Variants in AGAP1 observed in about 807,000 individuals in gnomAD.
AGAP1 encodes arf-GAP with GTPase, ANK repeat and PH domain-containing protein 1.
Under a neutral mutation model 105.3 loss-of-function variants are expected in AGAP1, and 29 were observed. That is an observed-to-expected ratio of 0.28 (90% confidence interval 0.21 to 0.38). The LOEUF is 0.38. Ranked by LOEUF, AGAP1 falls within the 10% of genes least tolerant of loss-of-function variation. The pLI is 1.00. For synonymous variants in AGAP1, 509 were observed against 485.9 expected (o/e 1.05, Z -0.63); for missense variants, 998 against 1,165.1 (o/e 0.86, Z 2.09).
At position 235,688,108 on chromosome 2, in the gene AGAP1, G is replaced by A. The variant is rs899629566; in HGVS notation, c.164-21071G>A. ...GTAGAGACGGGGTTTCACCATGCTGGCCAGGCTGGTCTCAAAGTCCCAACC... is the reference window on the plus strand; with the variant it reads ...GTAGAGACGGGGTTTCACCATGCTGACCAGGCTGGTCTCAAAGTCCCAACC... On this transcript the variant is annotated intron_variant, in intron 1 of 17. Transcript: ENST00000304032. Among the ~76,000 whole-genome samples, 9 of 151,994 alleles carry A rather than the reference G, an allele frequency of 5.9e-5. No individual in the cohort carries two copies. The East Asian group carries it at 1.7e-3, about 29-fold the overall frequency.
intron 1 of AGAP1, among the ~76,000 whole-genome samples, chr2:235,587,072 A>C (rs1454046893): frequency 3.9e-5 from 6 of 152,218 alleles, no homozygotes; most frequent in African/African-American, 7.2e-5. Flanking sequence ...TGGATGAGTC[A>C]GTGGTTTGAA....
At chr2:235,896,891 ATG>A (rs1247276927) in intron 10 of AGAP1, among the ~76,000 whole-genome samples, 1 of 152,196 alleles carries the variant, frequency 6.6e-6, no homozygotes, top group Non-Finnish European at 1.5e-5. Context: ...ATTTCTGTCT[ATG>A]TAATTCTTTC....
chr2:235,680,718 G>C (rs1949018934), intron 1 of AGAP1, among the ~76,000 whole-genome samples: 1 of 152,124 alleles, frequency 6.6e-6, no homozygotes, highest in Non-Finnish European at 1.5e-5. Context: ...TCCTGCCTGA[G>C]CTTCTCCTTG....
At chr2:235,807,765 A>G (rs142238569) in intron 9 of AGAP1, among the ~76,000 whole-genome samples, 180 of 152,342 alleles carry the variant, frequency 1.2e-3, no homozygotes, top group African/African-American at 4.2e-3. Context: ...GTTTGTAACA[A>G]CGAGGCAATT....
rs939300702 is a variant in AGAP1, at chr2:235,967,655, G to A, written c.1484-807G>A. On this transcript the variant is annotated intron_variant, in intron 12 of 17. Coordinates refer to ENST00000304032, the MANE Select transcript of AGAP1 (RefSeq NM_001037131.3). This position sits in a 1 kb window ranked among gnomAD's most constrained non-coding sequence, Gnocchi z 4.7. Reference sequence around the variant, plus strand: ...TGAAATAAAAACTTTTCAAGACGCCGTAGGCATGCACCACCTGTTTTTCCT... The same window carrying A: ...TGAAATAAAAACTTTTCAAGACGCCATAGGCATGCACCACCTGTTTTTCCT... Among the ~76,000 whole-genome samples the A allele has an allele frequency of 2.0e-5, 3 of 152,202 alleles. No individual in the cohort carries two copies. The highest frequency in any genetic ancestry group is 6.5e-5 in the Admixed American group (1 of 15,282).
rs564091774 is a variant in AGAP1 at position 235,845,972 on chromosome 2, C to G, written c.1051-37373C>G. ...CTGCAGCCACAGGGTTGAAATCTTT[C>G]CCAGGCCCTCCAGACCTCCTGGATG... On this transcript the variant is annotated intron_variant, in intron 9 of 17. Coordinates refer to ENST00000304032, the MANE Select transcript of AGAP1 (RefSeq NM_001037131.3). This position sits in a 1 kb window ranked among gnomAD's most constrained non-coding sequence, Gnocchi z 4.8. 6.6e-5 allele frequency among the ~76,000 whole-genome samples: 10 copies of G among 152,164 alleles called. No individual in the cohort carries two copies. The highest frequency in any genetic ancestry group is 2.2e-4 in the African/African-American group (9 of 41,496).
At position 235,599,361 on chromosome 2, in the gene AGAP1, T is replaced by C. The variant is rs1945651762; in HGVS notation, c.163+104512T>C. Among the ~76,000 whole-genome samples, 1 of 151,946 alleles carries C rather than the reference T, an allele frequency of 6.6e-6. No homozygotes were observed. The highest frequency in any genetic ancestry group is 2.1e-4 in the South Asian group (1 of 4,808). On this transcript the variant is annotated intron_variant, in intron 1 of 17. Transcript: ENST00000304032. This position sits in a 1 kb window ranked among gnomAD's most constrained non-coding sequence, Gnocchi z 5.3. ...AGGAGGAGTCTGGTGATGGAGAAGG[T>C]GTGGCGGGCAGCAAGGAGGCTGGGG...
chr2:235,931,386 A>C lies in AGAP1; in HGVS notation c.1483+463A>C, dbSNP rs1008899324. ...TTCCAGAATTCCTGGTGTACCCTCTAAATTCTGGAGTCCCCTTTGTAATCC... is the reference window on the plus strand; with the variant it reads ...TTCCAGAATTCCTGGTGTACCCTCTCAATTCTGGAGTCCCCTTTGTAATCC... On this transcript the variant is annotated intron_variant, in intron 12 of 17. Transcript: ENST00000304032. This position sits in a 1 kb window ranked among gnomAD's most constrained non-coding sequence, Gnocchi z 5.6. Among the ~76,000 whole-genome samples the C allele has an allele frequency of 6.6e-6, 1 of 152,268 alleles. No homozygotes were observed. Among genetic ancestry groups the C allele is most frequent in the Non-Finnish European group, 1.5e-5 (1 of 68,026 alleles).
intron 13 of AGAP1, among the ~76,000 whole-genome samples, chr2:236,025,272 G>A (rs1465578960): frequency 2.0e-5 from 3 of 152,198 alleles, no homozygotes; most frequent in Non-Finnish European, 4.4e-5. Flanking sequence ...CACGTTTGAA[G>A]TGAGGGTGGC....
At position 236,045,077 on chromosome 2, in the gene AGAP1, C is replaced by T. The variant is rs1356700743; in HGVS notation, c.1892-3982C>T. Reference sequence around the variant, plus strand: ...CTACATGTGCGTGCCACCACGCCGACCTGATTTTTTAAATTTTTTGTAGAG... The same window carrying T: ...CTACATGTGCGTGCCACCACGCCGATCTGATTTTTTAAATTTTTTGTAGAG... On this transcript the variant is annotated intron_variant, in intron 15 of 17. Coordinates refer to ENST00000304032, the MANE Select transcript of AGAP1 (RefSeq NM_001037131.3). The surrounding 1 kb of genome is among the most constrained non-coding windows in gnomAD (Gnocchi z 6.9). Among the ~76,000 whole-genome samples, 1 of 152,138 alleles carries T rather than the reference C, an allele frequency of 6.6e-6. No individual in the cohort carries two copies. Among genetic ancestry groups the T allele is most frequent in the Non-Finnish European group, 1.5e-5 (1 of 68,030 alleles).
chr2:236,088,582 T>A lies in AGAP1; in HGVS notation c.2115-31610T>A, dbSNP rs146273244. Among the ~76,000 whole-genome samples, 24 of 152,358 alleles carry A rather than the reference T, an allele frequency of 1.6e-4. No individual in the cohort carries two copies. In the East Asian group the frequency reaches 2.7e-3, roughly 17 times the overall value. Reference sequence around the variant, plus strand: ...AGTGACTCACAGGCTCCAGGCAGATTCATAGATGCTTTCATGTTTACTGAT... The same window carrying A: ...AGTGACTCACAGGCTCCAGGCAGATACATAGATGCTTTCATGTTTACTGAT... On this transcript the variant is annotated intron_variant, in intron 16 of 17. Transcript: ENST00000304032.
chr2:236,039,881 T>C (rs922995052), intron 14 of AGAP1, among the ~76,000 whole-genome samples: 7 of 152,196 alleles, frequency 4.6e-5, no homozygotes, highest in Non-Finnish European at 7.3e-5. Context: ...ATTAATTTTA[T>C]GTTCTTTTTC....
chr2:235,539,756 G>T (rs1943372487), intron 1 of AGAP1, among the ~76,000 whole-genome samples: 1 of 152,164 alleles, frequency 6.6e-6, no homozygotes, highest in Non-Finnish European at 1.5e-5. Flanking sequence ...AGGGGTTGCT[G>T]TGGGTCCTGG....
intron 16 of AGAP1, among the ~76,000 whole-genome samples, chr2:236,060,213 G>T (rs2058154030): frequency 6.6e-6 from 1 of 152,122 alleles, no homozygotes; most frequent in South Asian, 2.1e-4. Context: ...ATTAGGCAGT[G>T]GTTTCTTAGA....
At position 235,875,354 on chromosome 2, in the gene AGAP1, A is replaced by G. The variant is rs2049665951; in HGVS notation, c.1051-7991A>G. Among the ~76,000 whole-genome samples the G allele has an allele frequency of 6.6e-6, 1 of 152,214 alleles. No homozygotes were observed. Among genetic ancestry groups the G allele is most frequent in the Non-Finnish European group, 1.5e-5 (1 of 68,042 alleles). ...TCCTGAGATCTTAGGATAAAAGCCCACCGAGGTGCGAGTCTCACCATCGTG... is the reference window on the plus strand; with the variant it reads ...TCCTGAGATCTTAGGATAAAAGCCCGCCGAGGTGCGAGTCTCACCATCGTG... On this transcript the variant is annotated intron_variant, in intron 9 of 17. Transcript: ENST00000304032. This position sits in a 1 kb window ranked among gnomAD's most constrained non-coding sequence, Gnocchi z 4.0.
In AGAP1 at chr2:235,842,113, C is replaced by A. The variant is rs1441750257; in HGVS notation, c.1050+34782C>A. ...GCCCAGGCTCACTCCATGGCTGCCCCTCTCCCCAGCCTGCTGGCGTTGGGC... is the reference window on the plus strand; with the variant it reads ...GCCCAGGCTCACTCCATGGCTGCCCATCTCCCCAGCCTGCTGGCGTTGGGC... On this transcript the variant is annotated intron_variant, in intron 9 of 17. Transcript: ENST00000304032. This position sits in a 1 kb window ranked among gnomAD's most constrained non-coding sequence, Gnocchi z 5.3. 6.6e-6 allele frequency among the ~76,000 whole-genome samples: 1 copy of A among 152,194 alleles called. No homozygotes were observed. Among genetic ancestry groups the A allele is most frequent in the Non-Finnish European group, 1.5e-5 (1 of 68,042 alleles).
chr2:236,122,099 GC>G (rs34772688), intron 17 of AGAP1, among the ~76,000 whole-genome samples: 67,884 of 151,606 alleles, frequency 0.45, 15,613 homozygotes, highest in Middle Eastern at 0.54. Context: ...CCACAGGCAT[GC>G]CACCCCCATG....
In AGAP1 at chr2:235,732,173, T is replaced by C. The variant is rs1951988957; in HGVS notation, c.311-8790T>C. ...ATCTTCGAATAGTCTTTGAGTTCTT[T>C]TGTTGTGGATGTGTTGTCAGAGATA... is the stretch of plus-strand genomic sequence containing the variant. On this transcript the variant is annotated intron_variant, in intron 3 of 17. Transcript: ENST00000304032. The surrounding 1 kb of genome is among the most constrained non-coding windows in gnomAD (Gnocchi z 4.8). Among the ~76,000 whole-genome samples, 1 of 152,228 alleles carries C rather than the reference T, an allele frequency of 6.6e-6. No individual in the cohort carries two copies. Among genetic ancestry groups the C allele is most frequent in the Non-Finnish European group, 1.5e-5 (1 of 68,038 alleles).
At chr2:235,798,017 T>C in intron 7 of AGAP1, 131 bp downstream of exon 7, 4 of 1,174,712 alleles carry the variant, frequency 3.4e-6, no homozygotes, top group Non-Finnish European at 4.8e-6. Flanking sequence ...TGTAATTGAC[T>C]TCACATTTTC....
Sources: gnomAD v4.1 joint callset for allele counts (sites outside exome capture counted in the v4.1 genomes callset) on GRCh38, gnomAD v4.1.1 for gene constraint, Gnocchi (gnomAD v3.1) non-coding constraint, MANE v1.5 for transcripts, NCBI Gene and HGNC (gene_info 2026-07-23, HGNC 2026-07-21) for gene names.